The following SMYD3 variants were observed in gnomAD, a reference collection of about 807,000 sequenced individuals.
The protein encoded by SMYD3 is histone-lysine N-methyltransferase SMYD3.
Under a neutral mutation model 57.7 loss-of-function variants are expected in SMYD3, and 36 were observed. That is an observed-to-expected ratio of 0.62 (90% confidence interval 0.48 to 0.82). The LOEUF is 0.82. Ranked by LOEUF, SMYD3 falls within the 40% of genes least tolerant of loss-of-function variation. SMYD3 has a pLI of 0.00. For synonymous variants in SMYD3, 211 were observed against 195.0 expected, an observed-to-expected ratio of 1.08 and a Z score of -0.68; for missense variants, 515 against 538.8, an observed-to-expected ratio of 0.96 and a Z score of 0.44.
chr1:245,777,416 T>A (rs193244449), intron 10 of SMYD3, among the ~76,000 whole-genome samples: 33 of 152,288 alleles, frequency 2.2e-4, no homozygotes, highest in South Asian at 1.0e-3. Context: ...TTTATTTTTT[T>A]AAAAATAACT....
intron 1 of SMYD3, among the ~76,000 whole-genome samples, chr1:246,460,643 A>G (rs1334051106): frequency 6.6e-6 from 1 of 152,246 alleles, no homozygotes; most frequent in Non-Finnish European, 1.5e-5. Flanking sequence ...GAAGTCAGTC[A>G]AAAGCTGTGC....
intron 5 of SMYD3, among the ~76,000 whole-genome samples, chr1:246,231,335 G>T (rs1232111693): frequency 1.3e-5 from 2 of 152,038 alleles, no homozygotes; most frequent in Admixed American, 6.6e-5. Flanking sequence ...TGTAGTCACT[G>T]GGCAGTAGAT....
intron 5 of SMYD3, among the ~76,000 whole-genome samples, chr1:246,000,621 T>C (rs1383893173): frequency 6.6e-6 from 1 of 152,170 alleles, no homozygotes; most frequent in Non-Finnish European, 1.5e-5. Flanking sequence ...GACACCACCA[T>C]ACACACAGTT....
chr1:246,250,878 C>T (rs574178063), intron 5 of SMYD3, among the ~76,000 whole-genome samples: 20 of 152,214 alleles, frequency 1.3e-4, no homozygotes, highest in Admixed American at 3.3e-4. Flanking sequence ...TTAAATACAC[C>T]AGCAACATTT....
intron 5 of SMYD3, among the ~76,000 whole-genome samples, chr1:246,028,130 C>A (rs932005546): frequency 1.3e-5 from 2 of 152,080 alleles, no homozygotes; most frequent in Non-Finnish European, 2.9e-5. Flanking sequence ...TGCTGACAAA[C>A]TGAAAAACCT....
At chr1:246,405,392 T>C (rs1470413439) in intron 1 of SMYD3, among the ~76,000 whole-genome samples, 1 of 152,180 alleles carries the variant, frequency 6.6e-6, no homozygotes, top group African/African-American at 2.4e-5. Context: ...CTGGAAAATA[T>C]ACAATACGTT....
intron 5 of SMYD3, among the ~76,000 whole-genome samples, chr1:246,079,460 G>A (rs1286099810): frequency 6.6e-6 from 1 of 152,152 alleles, no homozygotes; most frequent in Non-Finnish European, 1.5e-5. Context: ...AGTCTAACTT[G>A]TTTCCCATCC....
At chr1:246,023,728 C>T (rs1040687313) in intron 5 of SMYD3, among the ~76,000 whole-genome samples, 17 of 151,634 alleles carry the variant, frequency 1.1e-4, no homozygotes, top group Admixed American at 7.9e-4. Flanking sequence ...GAGTTCAAAT[C>T]CTGGATTTCC....
At chr1:246,039,832 T>C (rs945069428) in intron 5 of SMYD3, among the ~76,000 whole-genome samples, 8 of 152,186 alleles carry the variant, frequency 5.3e-5, no homozygotes, top group African/African-American at 1.9e-4. Context: ...GCCAATGACC[T>C]ATATTGTATT....
At chr1:245,966,180 CTT>C (rs374366542) in intron 5 of SMYD3, among the ~76,000 whole-genome samples, 2 of 152,052 alleles carry the variant, frequency 1.3e-5, no homozygotes, top group African/African-American at 4.8e-5. Flanking sequence ...CTCTCTCTCT[CTT>C]TCTTTTAGAG....
At chr1:246,219,142 C>A (rs1338713012) in intron 5 of SMYD3, among the ~76,000 whole-genome samples, 3 of 152,170 alleles carry the variant, frequency 2.0e-5, no homozygotes, top group Non-Finnish European at 4.4e-5. Flanking sequence ...CAAAACCCCA[C>A]CTTCAAGCCT....
At chr1:246,479,409 T>C (rs1209321671) in intron 1 of SMYD3, among the ~76,000 whole-genome samples, 1 of 152,180 alleles carries the variant, frequency 6.6e-6, no homozygotes, top group Admixed American at 6.5e-5. Flanking sequence ...TACACTTTTG[T>C]TGAGATTACA....
chr1:245,757,989 T>G (rs1359093075), intron 11 of SMYD3, among the ~76,000 whole-genome samples: 1 of 152,192 alleles, frequency 6.6e-6, no homozygotes, highest in Non-Finnish European at 1.5e-5. Flanking sequence ...TGATAGAGAT[T>G]GCATTGAATC....
chr1:246,450,240 G>A (rs1019466595), intron 1 of SMYD3, among the ~76,000 whole-genome samples: 4 of 151,582 alleles, frequency 2.6e-5, no homozygotes, highest in East Asian at 1.9e-4. Flanking sequence ...GAGGTGAGCC[G>A]ACATCGCACC....
intron 5 of SMYD3, among the ~76,000 whole-genome samples, chr1:246,036,613 G>A (rs567946558): frequency 9.3e-5 from 14 of 150,676 alleles, no homozygotes; most frequent in Admixed American, 6.6e-4. Context: ...GAGTGCAGTG[G>A]TGCGATCTCG....
At chr1:245,922,621 G>C (rs991527827) in intron 7 of SMYD3, among the ~76,000 whole-genome samples, 2 of 127,182 alleles carry the variant, frequency 1.6e-5, no homozygotes, top group Non-Finnish European at 3.8e-5. Context: ...TTTTTTTTTG[G>C]ACACTCACCA....
chr1:246,088,392 G>A (rs1390673817), intron 5 of SMYD3, among the ~76,000 whole-genome samples: 3 of 151,052 alleles, frequency 2.0e-5, no homozygotes, highest in Admixed American at 6.6e-5. Flanking sequence ...GGCGGATCAT[G>A]AGGTCAGGAG....
intron 5 of SMYD3, among the ~76,000 whole-genome samples, chr1:246,092,048 AATATT>A (rs1309086812): frequency 4.6e-5 from 7 of 152,172 alleles, no homozygotes; most frequent in African/African-American, 1.2e-4. Flanking sequence ...TTTACTAATA[AATATT>A]ATATAAGATT....
chr1:245,903,924 A>C (rs2054369801), intron 8 of SMYD3, among the ~76,000 whole-genome samples: 1 of 152,188 alleles, frequency 6.6e-6, no homozygotes, highest in East Asian at 1.9e-4. Flanking sequence ...AAAGTCTCTG[A>C]GATGCCCTAG....
Sources: allele counts gnomAD v4.1 joint callset (sites outside exome capture counted in the v4.1 genomes callset), GRCh38; gene constraint gnomAD v4.1.1; transcripts MANE v1.5; gene names NCBI Gene and HGNC (gene_info 2026-07-23, HGNC 2026-07-21).